Variants in LAMA1 observed in about 807,000 individuals in gnomAD.
LAMA1 encodes the protein laminin subunit alpha-1.
Under a neutral mutation model 348.7 loss-of-function variants are expected in LAMA1, and 219 were observed. The ratio of observed to expected loss-of-function variants is 0.63; its 90% CI spans 0.56 to 0.70. The LOEUF is 0.70. Ranked by LOEUF, LAMA1 falls within the 30% of genes least tolerant of loss-of-function variation. The pLI is 0.00. For synonymous variants in LAMA1, 1,487 were observed against 1,491.0 expected (o/e 1.00, Z 0.06); for missense variants, 3,744 against 3,888.0 (o/e 0.96, Z 0.99).
chr18:6,950,038 T>C (rs932567791), intron 58 of LAMA1, among the ~76,000 whole-genome samples: 1 of 152,038 alleles, frequency 6.6e-6, no homozygotes, highest in African/African-American at 2.4e-5. Flanking sequence ...ATTGCTATTG[T>C]AAAACCTAGG....
At chr18:7,019,653 G>A (rs1411491455) in intron 19 of LAMA1, among the ~76,000 whole-genome samples, 1 of 145,170 alleles carries the variant, frequency 6.9e-6, no homozygotes, top group African/African-American at 2.5e-5. Flanking sequence ...TCTCTCTGCA[G>A]TAATAATTAT....
Position 7,016,577 on chromosome 18 carries a change from T to A in LAMA1, c.2903A>T (p.Gln968Leu). 6.2e-7 allele frequency: 1 copy of A among 1,614,230 alleles called. No individual in the cohort carries two copies. The highest frequency in any genetic ancestry group is 8.5e-7 in the Non-Finnish European group (1 of 1,180,036). Reference sequence around the variant, plus strand: ...TGCCACACCTGGGACACAGTGACACTGGCCTTCATCCGTGCAGCCATCTGA... The same window carrying A: ...TGCCACACCTGGGACACAGTGACACAGGCCTTCATCCGTGCAGCCATCTGA... ...SVSDGCTDEG[Q>L]CHCVPGVAGK... The change falls in exon 21 of 63, where the codon CAG (glutamine) becomes CTG (leucine). Residue 968 changes from glutamine to leucine, a missense_variant. Gln to Leu is a moderately radical substitution (Grantham distance 113). This residue lies in a region of LAMA1 where 1,529 missense variants were observed against 1,689.4 expected (regional missense o/e 0.91). Coordinates refer to ENST00000389658, the MANE Select transcript of LAMA1 (RefSeq NM_005559.4).
chr18:6,975,806 A>AG lies in LAMA1; in HGVS notation c.6489+130dup. The AG allele has an allele frequency of 3.9e-6, 4 of 1,027,478 alleles. No individual in the cohort carries two copies. The South Asian group carries it at 5.5e-5, about 14-fold the overall frequency. The allele number at this position is 1,027,478 out of a possible 1,614,324, so 63.6% of individuals were successfully genotyped here. ...TCATCTAATGCTACCATTTTAACAA[A>AG]GGTTAGTCCCTATGGGAGATTTAGA... On this transcript the variant is annotated intron_variant, in intron 45 of 62. Coordinates refer to ENST00000389658, the MANE Select transcript of LAMA1 (RefSeq NM_005559.4).
rs1379561010 is a variant in LAMA1, at chr18:6,977,736, T to C, written c.6336A>G (p.Gln2112=). The stretch of plus-strand genomic sequence containing the variant: ...GGGGCCCCAAACTCACAGAAGCTGC[T>C]TGTTTGCGGGCCTGGCTGATCAACA... ...IKLLISQARK[Q]AASIKVAVSA... is the part of the protein sequence containing the mutation. Residue 2112 remains glutamine, a synonymous_variant, in exon 44 of 63, where the codon CAA becomes CAG. Transcript: ENST00000389658. 2 of 1,614,006 alleles carry C rather than the reference T, an allele frequency of 1.2e-6. No homozygotes were observed. Among genetic ancestry groups the C allele is most frequent in the Non-Finnish European group, 1.7e-6 (2 of 1,180,002 alleles).
intron 1 of LAMA1, among the ~76,000 whole-genome samples, chr18:7,115,843 G>A (rs543613272): frequency 2.4e-4 from 23 of 96,642 alleles, no homozygotes; most frequent in Non-Finnish European, 4.1e-4. Context: ...ATAGCCGGGC[G>A]TGGTGGCACG....
intron 42 of LAMA1, among the ~76,000 whole-genome samples, chr18:6,979,875 G>A (rs913702969): frequency 1.3e-5 from 2 of 152,204 alleles, no homozygotes; most frequent in Admixed American, 6.5e-5. Flanking sequence ...CTCCAGCCTG[G>A]GCGACAGAGC....
Position 7,109,077 on chromosome 18 carries a change from AAC to A in LAMA1, c.61+8581_61+8582del, listed in dbSNP as rs2058325615. On this transcript the variant is annotated intron_variant, in intron 1 of 62. Transcript: ENST00000389658. The stretch of plus-strand genomic sequence containing the variant: ...TACAAAATGGGAAAAGGTTTTTTGA[AAC>A]ACAGATTTTGGTTCCTACCCAGATC... 2.0e-5 allele frequency among the ~76,000 whole-genome samples: 3 copies of A among 152,200 alleles called. No individual in the cohort carries two copies. In the South Asian group the frequency reaches 6.2e-4, roughly 31 times the overall value.
intron 1 of LAMA1, among the ~76,000 whole-genome samples, chr18:7,084,505 ACT>A (rs2058207214): frequency 6.6e-6 from 1 of 152,156 alleles, no homozygotes; most frequent in African/African-American, 2.4e-5. Flanking sequence ...CACTTCAGTT[ACT>A]GTTACTGTGA....
rs371561462 is a variant in LAMA1, at chr18:7,004,952, C to A, written c.4260+2187G>T. Among the ~76,000 whole-genome samples the A allele has an allele frequency of 8.5e-5, 13 of 152,288 alleles. No individual in the cohort carries two copies. The South Asian group carries it at 2.1e-3, about 24-fold the overall frequency. On this transcript the variant is annotated intron_variant, in intron 29 of 62. Transcript: ENST00000389658. The stretch of plus-strand genomic sequence containing the variant: ...ATGCCGTGAGGCAGCAGTGACAGGG[C>A]AGGTATGACTACCCTGTCCAGGCTG...
chr18:7,057,977 T>G (rs989810051), intron 3 of LAMA1, among the ~76,000 whole-genome samples: 5 of 151,660 alleles, frequency 3.3e-5, no homozygotes, highest in Admixed American at 6.6e-5. Flanking sequence ...TTTAATTTTT[T>G]TTTTTTAGTA....
chr18:6,958,832 C>T (rs1056615652), intron 54 of LAMA1, among the ~76,000 whole-genome samples, 170 bp from the exon 55 acceptor site: 1 of 152,140 alleles, frequency 6.6e-6, no homozygotes, highest in South Asian at 2.1e-4. Flanking sequence ...AAAATTAAAA[C>T]TCACAACTGA....
intron 36 of LAMA1, among the ~76,000 whole-genome samples, chr18:6,988,523 G>C (rs531296311): frequency 2.0e-4 from 30 of 152,322 alleles, no homozygotes; most frequent in South Asian, 8.3e-4. Context: ...TCTTTGGTCG[G>C]GCGCAGTGGC....
chr18:6,978,375 A>AT lies in LAMA1; in HGVS notation c.6010dup (p.Ile2004AsnfsTer80). On this transcript the variant is annotated frameshift_variant, in exon 43 of 63. Coordinates refer to ENST00000389658, the MANE Select transcript of LAMA1 (RefSeq NM_005559.4). LOFTEE classifies it high-confidence loss of function. ...TTTGGTTTTGGCTCCCTTGTCTCTT[A>AT]TACCTAAAATAAATGTATATAAAAG... 6.2e-7 allele frequency: 1 copy of AT among 1,613,924 alleles called. No individual in the cohort carries two copies.
intron 36 of LAMA1, among the ~76,000 whole-genome samples, chr18:6,988,179 T>C (rs1387404518): frequency 6.6e-6 from 1 of 152,158 alleles, no homozygotes; most frequent in South Asian, 2.1e-4. Flanking sequence ...CTCTTCTATC[T>C]AAACTACAAT....
At chr18:7,075,215 A>G (rs1029497022) in intron 3 of LAMA1, among the ~76,000 whole-genome samples, 2 of 152,070 alleles carry the variant, frequency 1.3e-5, no homozygotes, top group Non-Finnish European at 2.9e-5. Flanking sequence ...TATACTTTAG[A>G]TTTTACATTT....
chr18:7,038,714 G>A lies in LAMA1; in HGVS notation c.1563+96C>T, dbSNP rs71360061. On this transcript the variant is annotated intron_variant, in intron 11 of 62. Transcript: ENST00000389658. ...TGCATAGCGATGAGAGTGGTGTCAC[G>A]GGAAGTCATCCTCATTTCCTCCTCA... 3,636 of 1,512,550 alleles carry A rather than the reference G, an allele frequency of 2.4e-3. 6 individuals carry two copies. The highest frequency in any genetic ancestry group is 7.6e-3 in the Middle Eastern group (33 of 4,362). 93.7% of individuals were successfully genotyped at this position (1,512,550 alleles called of 1,614,324 possible). A position where few individuals can be genotyped will look rare whatever the true frequency, so the allele number is the denominator to read the frequency against.
chr18:7,020,267 G>C (rs1348054912), intron 19 of LAMA1, among the ~76,000 whole-genome samples: 2 of 152,156 alleles, frequency 1.3e-5, no homozygotes, highest in African/African-American at 2.4e-5. Context: ...CCACAGCAGA[G>C]GCAGGAGGTG....
chr18:7,099,712 T>TA (rs1283969379), intron 1 of LAMA1, among the ~76,000 whole-genome samples: 1 of 150,256 alleles, frequency 6.7e-6, no homozygotes, highest in Non-Finnish European at 1.5e-5. Context: ...ATAAAAATAA[T>TA]AAAAAATAAA....
chr18:6,966,135 A>G lies in LAMA1; in HGVS notation c.7050+12T>C. ...TATACAGTAGGGCCTAGGGCCGCAC[A>G]AACACTCTTACTGTGCCGTATGAAC... On this transcript the variant is annotated intron_variant, in intron 49 of 62. Coordinates refer to ENST00000389658, the MANE Select transcript of LAMA1 (RefSeq NM_005559.4). 6.2e-7 allele frequency: 1 copy of G among 1,614,090 alleles called. No homozygotes were observed. Among genetic ancestry groups the G allele is most frequent in the Non-Finnish European group, 8.5e-7 (1 of 1,179,942 alleles).
Sources: allele counts gnomAD v4.1 joint callset (sites outside exome capture counted in the v4.1 genomes callset), GRCh38; gene constraint gnomAD v4.1.1; regional missense constraint gnomAD v4.1.1; transcripts MANE v1.5; gene names NCBI Gene and HGNC (gene_info 2026-07-23, HGNC 2026-07-21).